The following IQSEC3 variants were observed in gnomAD, a reference collection of about 807,000 sequenced individuals.
IQSEC3 encodes the protein IQ motif and Sec7 domain ArfGEF 3.
Under a neutral mutation model 105.4 loss-of-function variants are expected in IQSEC3, and 50 were observed. The observed-to-expected ratio is 0.47, with a 90% confidence interval of 0.38 to 0.60. The LOEUF (loss-of-function observed/expected upper bound fraction) is 0.60. IQSEC3 is among the 20% of genes least tolerant of loss of function. The pLI is 0.00. For missense variants in IQSEC3, 1,415 were observed against 1,630.0 expected, an observed-to-expected ratio of 0.87 and a Z score of 2.27; for synonymous variants, 708 against 746.0, an observed-to-expected ratio of 0.95 and a Z score of 0.83.
At chr12:75,396 C>T (rs1336694957) in intron 1 of IQSEC3, among the ~76,000 whole-genome samples, 2 of 152,202 alleles carry the variant, frequency 1.3e-5, no homozygotes, top group African/African-American at 4.8e-5. Flanking sequence ...GGACACAGGG[C>T]ACTTCCACTG....
chr12:105,390 C>A (rs4980967), intron 2 of IQSEC3, among the ~76,000 whole-genome samples: 45,592 of 151,802 alleles, frequency 0.3, 7,400 homozygotes, highest in Non-Finnish European at 0.37. Flanking sequence ...GACAGAGTGG[C>A]ACCTGCACAG....
At chr12:97,215 C>T (rs1229909885) in intron 1 of IQSEC3, among the ~76,000 whole-genome samples, 1 of 152,184 alleles carries the variant, frequency 6.6e-6, no homozygotes, top group African/African-American at 2.4e-5. Context: ...TTTGTCTTTG[C>T]ACCATGAATG....
In IQSEC3 at chr12:92,355, G is replaced by GCAGA. The variant is rs779587853; in HGVS notation, c.555-6790_555-6787dup. Among the ~76,000 whole-genome samples, 19 of 152,250 alleles carry GCAGA rather than the reference G, an allele frequency of 1.2e-4. No individual in the cohort carries two copies. The East Asian group carries it at 1.9e-3, about 15-fold the overall frequency. On this transcript the variant is annotated intron_variant, in intron 1 of 13. Coordinates refer to ENST00000538872, the MANE Select transcript of IQSEC3 (RefSeq NM_001170738.2). ...CCAGTTTCCTTCGGCCCCTCCAGCCGCAGAACTCGCAGGGCCACAGCCTTG... is the reference window on the plus strand; with the variant it reads ...CCAGTTTCCTTCGGCCCCTCCAGCCGCAGACAGAACTCGCAGGGCCACAGCCTTG...
intron 12 of IQSEC3, among the ~76,000 whole-genome samples, chr12:170,713 C>A (rs1555099970): frequency 6.6e-6 from 1 of 152,254 alleles, no homozygotes; most frequent in Non-Finnish European, 1.5e-5. Flanking sequence ...GTCCTGCCCC[C>A]TCAGCCAGTC....
chr12:85,211 T>C (rs1863879054), intron 1 of IQSEC3, among the ~76,000 whole-genome samples: 11 of 152,164 alleles, frequency 7.2e-5, no homozygotes, highest in Admixed American at 6.5e-4. Flanking sequence ...AAAGGTGGGT[T>C]AGGAACGCTG....
intron 1 of IQSEC3, among the ~76,000 whole-genome samples, chr12:97,255 G>A (rs1864268339): frequency 6.6e-6 from 1 of 152,124 alleles, no homozygotes; most frequent in South Asian, 2.1e-4. Context: ...GTATTAACTT[G>A]CCTTCTGTCA....
At chr12:80,703 T>G (rs1413793933) in intron 1 of IQSEC3, among the ~76,000 whole-genome samples, 1 of 152,146 alleles carries the variant, frequency 6.6e-6, no homozygotes, top group Non-Finnish European at 1.5e-5. Context: ...ACAAGATCAC[T>G]AATGAAAACT....
chr12:109,985 G>A (rs530868888), intron 2 of IQSEC3, among the ~76,000 whole-genome samples: 122 of 152,116 alleles, frequency 8.0e-4, no homozygotes, highest in Non-Finnish European at 1.5e-3. Flanking sequence ...CAGCTCTGTC[G>A]AAACAACAAA....
intron 3 of IQSEC3, among the ~76,000 whole-genome samples, chr12:133,400 T>C (rs1865659911): frequency 6.6e-6 from 1 of 152,198 alleles, no homozygotes; most frequent in Non-Finnish European, 1.5e-5. Flanking sequence ...ACAACCAGGA[T>C]AGACTGAGTC....
rs370028607 is a variant in IQSEC3, at chr12:82,842, G to A, written c.554+15406G>A. Among the ~76,000 whole-genome samples the A allele has an allele frequency of 1.2e-4, 18 of 152,262 alleles. No homozygotes were observed. The South Asian group carries it at 2.3e-3, about 19-fold the overall frequency. The stretch of plus-strand genomic sequence containing the variant: ...AGCCTCTACTCTCCATGGCCACCCC[G>A]CAGACAACTACAGTAACATGCATCC... On this transcript the variant is annotated intron_variant, in intron 1 of 13. Coordinates refer to ENST00000538872, the MANE Select transcript of IQSEC3 (RefSeq NM_001170738.2).
chr12:165,491 G>C lies in IQSEC3; in HGVS notation c.2767G>C (p.Val923Leu). The C allele has an allele frequency of 6.2e-7, 1 of 1,614,200 alleles. No individual in the cohort carries two copies. Among genetic ancestry groups the C allele is most frequent in the Non-Finnish European group, 8.5e-7 (1 of 1,180,030 alleles). The change falls in exon 10 of 14, where the codon GTT becomes CTT. Residue 923 changes from valine (V) to leucine (L), a missense_variant. Val to Leu is a conservative substitution (Grantham distance 32). Around this residue, in one of 6 missense-constraint regions of IQSEC3, gnomAD observed 419 missense variants for 436.2 expected, o/e 0.96. Coordinates refer to ENST00000538872, the MANE Select transcript of IQSEC3 (RefSeq NM_001170738.2). ...CTCCACGTACACCTTTTGCAAGTCA[G>C]TTGGCCTGCTGGGCATGCAGTTCCA... The part of the protein sequence containing the change: ...SSSTYTFCKS[V>L]GLLGMQFQLF...
intron 3 of IQSEC3, among the ~76,000 whole-genome samples, chr12:137,235 C>T (rs945263182): frequency 2.0e-5 from 3 of 152,174 alleles, no homozygotes; most frequent in East Asian, 1.9e-4. Flanking sequence ...ACCCCAATCC[C>T]GACCCTTCTG....
At chr12:153,737 A>G (rs1866587557) in intron 5 of IQSEC3, among the ~76,000 whole-genome samples, 1 of 152,132 alleles carries the variant, frequency 6.6e-6, no homozygotes, top group South Asian at 2.1e-4. Flanking sequence ...ACCCCCATGC[A>G]AAAGCAGCCC....
chr12:101,449 C>T (rs1864419018), intron 2 of IQSEC3, among the ~76,000 whole-genome samples: 1 of 152,156 alleles, frequency 6.6e-6, no homozygotes, highest in Non-Finnish European at 1.5e-5. Context: ...TCACCTTCCC[C>T]TGGGAGGTGC....
At chr12:154,315 G>A (rs548350683) in intron 5 of IQSEC3, among the ~76,000 whole-genome samples, 86 of 152,268 alleles carry the variant, frequency 5.6e-4, no homozygotes, top group East Asian at 5.0e-3. Context: ...AGCTGCTCCC[G>A]CTGCCTCTGC....
chr12:71,943 G>C (rs1280713518), intron 1 of IQSEC3, among the ~76,000 whole-genome samples: 1 of 152,284 alleles, frequency 6.6e-6, no homozygotes, highest in African/African-American at 2.4e-5. Flanking sequence ...GGCATAGTGT[G>C]ACCACTTGCA....
intron 2 of IQSEC3, among the ~76,000 whole-genome samples, chr12:124,713 A>G (rs1555082692): frequency 6.6e-6 from 1 of 152,250 alleles, no homozygotes; most frequent in East Asian, 1.9e-4. Flanking sequence ...GCAGTCGTCC[A>G]GGAAGGCCTC....
rs372906158 is a variant in IQSEC3 at position 138,573 on chromosome 12, G to C, written c.1210G>C (p.Glu404Gln). The change falls in exon 4 of 14, where the codon GAG becomes CAG. Residue 404 changes from glutamate to glutamine, a missense_variant. By Grantham distance (29) the Glu-to-Gln change is conservative. Transcript: ENST00000538872. This position sits in a 1 kb window ranked among gnomAD's most constrained non-coding sequence, Gnocchi z 7.1. Reference protein sequence around the residue: ...TLTELEDSFTEQVQSLAKSID... With the variant: ...TLTELEDSFTQQVQSLAKSID... ...CACCGAGCTGGAGGACTCCTTCACC[G>C]AGCAGGTGCAATCCCTGGCCAAGTC... 1 of 1,587,230 alleles carries C rather than the reference G, an allele frequency of 6.3e-7. No homozygotes were observed. The highest frequency in any genetic ancestry group is 8.5e-7 in the Non-Finnish European group (1 of 1,174,102).
chr12:142,649 G>C (rs1458593543), intron 5 of IQSEC3: 3 of 152,276 alleles, frequency 2.0e-5, no homozygotes, highest in East Asian at 3.8e-4. Flanking sequence ...AGAGGAAAGA[G>C]AGACAATGCT....
Sources: allele counts gnomAD v4.1 joint callset (sites outside exome capture counted in the v4.1 genomes callset), GRCh38; gene constraint gnomAD v4.1.1; regional missense constraint gnomAD v4.1.1; non-coding constraint Gnocchi (gnomAD v3.1); transcripts MANE v1.5; gene names NCBI Gene and HGNC (gene_info 2026-07-23, HGNC 2026-07-21).